The following PLGRKT variants were observed in gnomAD, a reference collection of about 807,000 sequenced individuals.
The protein encoded by PLGRKT is plasminogen receptor with a C-terminal lysine.
A neutral mutation model predicts 18.5 loss-of-function variants in PLGRKT; 22 were observed. That is an observed-to-expected ratio of 1.19 (90% CI 0.85 to 1.70). The LOEUF is 1.70. Ranked by LOEUF, PLGRKT falls within the 40% of genes most tolerant of loss-of-function variation. PLGRKT has a pLI of 0.00. For missense variants in PLGRKT, 235 were observed against 174.4 expected (o/e 1.35, Z -1.96); for synonymous variants, 72 against 52.8 (o/e 1.36, Z -1.58).
At chr9:5,416,083 A>G (rs934683596) in intron 3 of PLGRKT, among the ~76,000 whole-genome samples, 1 of 152,182 alleles carries the variant, frequency 6.6e-6, no homozygotes, top group African/African-American at 2.4e-5. Flanking sequence ...TGAACTCTCC[A>G]TGTTTTGCAC....
intron 3 of PLGRKT, among the ~76,000 whole-genome samples, chr9:5,429,301 T>C (rs1305626658): frequency 6.6e-6 from 1 of 152,194 alleles, no homozygotes; most frequent in African/African-American, 2.4e-5. Context: ...AAAATCACTA[T>C]GAAGCTCCAG....
At chr9:5,423,869 A>ATATATATGTATAATATATAATATATAT (rs71326162) in intron 3 of PLGRKT, among the ~76,000 whole-genome samples, 2 of 144,110 alleles carry the variant, frequency 1.4e-5, no homozygotes, top group African/African-American at 5.2e-5. Context: ...TGCCCAGCTA[A>ATATATATGTATAATATATAATATATAT]TATATATGTA....
intron 3 of PLGRKT, among the ~76,000 whole-genome samples, chr9:5,370,578 G>C (rs964846659): frequency 2.6e-5 from 4 of 152,082 alleles, no homozygotes; most frequent in African/African-American, 9.7e-5. Context: ...TGACAGAAAA[G>C]TTTGGTTTTT....
At chr9:5,425,326 T>C (rs1161697739) in intron 3 of PLGRKT, among the ~76,000 whole-genome samples, 1 of 152,182 alleles carries the variant, frequency 6.6e-6, no homozygotes, top group Non-Finnish European at 1.5e-5. Flanking sequence ...GAAACTGAAG[T>C]TTGTTGATAA....
chr9:5,387,329 C>T (rs1052688717), intron 3 of PLGRKT, among the ~76,000 whole-genome samples: 2 of 151,612 alleles, frequency 1.3e-5, no homozygotes, highest in Non-Finnish European at 2.9e-5. Context: ...TATTGAGTAC[C>T]CAAGAGGAAT....
rs1191443801 is a variant in PLGRKT at position 5,418,453 on chromosome 9, G to C, written c.81+13444C>G. ...GCTGAGGAGGAAGACCAAGACGCAAGCCACCAAGATGACAGTGCACACCCT... is the reference window on the plus strand; with the variant it reads ...GCTGAGGAGGAAGACCAAGACGCAACCCACCAAGATGACAGTGCACACCCT... On this transcript the variant is annotated intron_variant, in intron 3 of 5. Coordinates refer to ENST00000223864, the MANE Select transcript of PLGRKT (RefSeq NM_018465.4). This position sits in a 1 kb window ranked among gnomAD's most constrained non-coding sequence, Gnocchi z 4.2. 1.3e-5 allele frequency: 13 copies of C among 1,021,622 alleles called. No individual in the cohort carries two copies. The African/African-American group carries it at 1.7e-4, about 14-fold the overall frequency. The allele number at this position is 1,021,622 out of a possible 1,614,324, so 63.3% of individuals were successfully genotyped here.
chr9:5,370,235 AT>A (rs1817487599), intron 3 of PLGRKT, among the ~76,000 whole-genome samples: 1 of 152,174 alleles, frequency 6.6e-6, no homozygotes, highest in Admixed American at 6.5e-5. Flanking sequence ...TTTAAAAAAT[AT>A]TAAGAACAGC....
intron 3 of PLGRKT, among the ~76,000 whole-genome samples, chr9:5,410,360 AC>A (rs1818338137): frequency 6.6e-6 from 1 of 151,862 alleles, no homozygotes; most frequent in South Asian, 2.1e-4. Context: ...ACATGGTGAA[AC>A]CCCCATCTAT....
intron 3 of PLGRKT, among the ~76,000 whole-genome samples, chr9:5,374,155 C>G (rs1817581991): frequency 6.6e-6 from 1 of 152,096 alleles, no homozygotes; most frequent in Admixed American, 6.5e-5. Flanking sequence ...TTTGGGATCT[C>G]CACTGGGAAA....
intron 3 of PLGRKT, among the ~76,000 whole-genome samples, chr9:5,430,122 T>C (rs191126393): frequency 2.0e-5 from 3 of 152,320 alleles, no homozygotes; most frequent in Non-Finnish European, 4.4e-5. Context: ...CATGGGGAAT[T>C]AACACCACCA....
intron 3 of PLGRKT, chr9:5,392,496 G>A (rs976133390): frequency 2.0e-5 from 3 of 151,824 alleles, no homozygotes; most frequent in Non-Finnish European, 4.4e-5. Flanking sequence ...GCATGTCTCG[G>A]CTTTTGCATA....
intron 3 of PLGRKT, among the ~76,000 whole-genome samples, chr9:5,388,650 C>T (rs1434798207): frequency 1.3e-5 from 2 of 152,038 alleles, no homozygotes; most frequent in East Asian, 1.9e-4. Flanking sequence ...AGCCCTCAGT[C>T]GCCCTGGTCC....
intron 3 of PLGRKT, among the ~76,000 whole-genome samples, chr9:5,424,584 T>A (rs1273317993): frequency 7.5e-6 from 1 of 133,412 alleles, no homozygotes. Flanking sequence ...TATTACTTAT[T>A]ATATTATACA....
chr9:5,408,408 TG>T (rs1818296371), intron 3 of PLGRKT, among the ~76,000 whole-genome samples: 1 of 152,214 alleles, frequency 6.6e-6, no homozygotes, highest in Non-Finnish European at 1.5e-5. Context: ...CCAAGGGATA[TG>T]CGCAACTTCG....
intron 3 of PLGRKT, among the ~76,000 whole-genome samples, chr9:5,430,309 A>C (rs1319760578): frequency 2.0e-5 from 3 of 152,220 alleles, no homozygotes; most frequent in African/African-American, 7.2e-5. Flanking sequence ...TAGTTTCCAA[A>C]GGTCTTTGAC....
At chr9:5,377,841 G>A (rs948929604) in intron 3 of PLGRKT, among the ~76,000 whole-genome samples, 2 of 152,150 alleles carry the variant, frequency 1.3e-5, no homozygotes, top group East Asian at 1.9e-4. Context: ...TATTCTAGGG[G>A]ATGGGGTCTG....
chr9:5,380,331 C>A (rs1480984233), intron 3 of PLGRKT, among the ~76,000 whole-genome samples: 1 of 148,850 alleles, frequency 6.7e-6, no homozygotes, highest in Non-Finnish European at 1.5e-5. Context: ...TGCGCCACTG[C>A]ACTCCAGCCT....
chr9:5,401,257 T>A (rs1818148450), intron 3 of PLGRKT, among the ~76,000 whole-genome samples: 1 of 150,964 alleles, frequency 6.6e-6, no homozygotes, highest in South Asian at 2.1e-4. Flanking sequence ...CATAAAGAAA[T>A]AAGAAAGGCA....
intron 3 of PLGRKT, among the ~76,000 whole-genome samples, chr9:5,387,306 T>A (rs1438631886): frequency 6.6e-6 from 1 of 151,908 alleles, no homozygotes; most frequent in African/African-American, 2.4e-5. Context: ...CCATCTGACC[T>A]CTGTTTTAAG....
Sources: gnomAD v4.1 joint callset for allele counts (sites outside exome capture counted in the v4.1 genomes callset) on GRCh38, gnomAD v4.1.1 for gene constraint, Gnocchi (gnomAD v3.1) non-coding constraint, MANE v1.5 for transcripts, NCBI Gene and HGNC (gene_info 2026-07-23, HGNC 2026-07-21) for gene names.